The following MAD1L1 variants were observed in gnomAD, a reference collection of about 807,000 sequenced individuals.
The protein encoded by MAD1L1 is mitotic spindle assembly checkpoint protein MAD1.
MAD1L1 carries 95 observed loss-of-function variants against 96.9 expected under a neutral mutation model. The observed-to-expected ratio is 0.98, with a 90% CI of 0.83 to 1.16. The LOEUF is 1.16. Ranked by LOEUF, MAD1L1 falls within the 50% of genes most tolerant of loss-of-function variation. The pLI is 0.00. For synonymous variants in MAD1L1, 473 were observed against 396.6 expected, an observed-to-expected ratio of 1.19 and a Z score of -2.29; for missense variants, 1,007 against 954.4, an observed-to-expected ratio of 1.06 and a Z score of -0.73.
At chr7:2,180,968 A>AT (rs1791173164) in intron 10 of MAD1L1, among the ~76,000 whole-genome samples, 1 of 152,064 alleles carries the variant, frequency 6.6e-6, no homozygotes, top group South Asian at 2.1e-4. Context: ...TCCTGTCTTC[A>AT]TTTTTCTTCT....
intron 15 of MAD1L1, among the ~76,000 whole-genome samples, chr7:1,977,818 G>A (rs142014009): frequency 2.6e-4 from 40 of 152,356 alleles, no homozygotes; most frequent in Admixed American, 1.6e-3. Flanking sequence ...GCCGTGCAGC[G>A]TGACGCAGGC....
intron 18 of MAD1L1, among the ~76,000 whole-genome samples, chr7:1,860,173 C>T (rs529103925): frequency 5.8e-5 from 8 of 138,234 alleles, no homozygotes; most frequent in South Asian, 2.4e-4. Flanking sequence ...TGACATCCTG[C>T]GGGGCGGCCT....
At chr7:1,952,666 C>T (rs148287586) in intron 16 of MAD1L1, among the ~76,000 whole-genome samples, 3 of 152,280 alleles carry the variant, frequency 2.0e-5, no homozygotes, top group East Asian at 1.9e-4. Context: ...GCTGCCCTCC[C>T]GTGATCCTGC....
At chr7:2,124,680 T>A (rs928521469) in intron 11 of MAD1L1, among the ~76,000 whole-genome samples, 28 of 152,078 alleles carry the variant, frequency 1.8e-4, no homozygotes, top group Non-Finnish European at 5.9e-5. Flanking sequence ...CCTGCTGGGT[T>A]CTCACACACC....
At chr7:1,921,144 G>A (rs73050119) in intron 17 of MAD1L1, among the ~76,000 whole-genome samples, 5,135 of 152,242 alleles carry the variant, frequency 0.034, 188 homozygotes, top group Admixed American at 0.098. Flanking sequence ...ACCCCGGCAC[G>A]CTGCGGGTCT....
intron 15 of MAD1L1, among the ~76,000 whole-genome samples, chr7:1,963,675 G>A (rs376462934): frequency 9.8e-5 from 15 of 152,322 alleles, no homozygotes; most frequent in Admixed American, 5.9e-4. Flanking sequence ...TTCCGGAGGC[G>A]AGGCTGCTGG....
At chr7:2,084,328 CG>C (rs1785802609) in intron 11 of MAD1L1, among the ~76,000 whole-genome samples, 2 of 152,314 alleles carry the variant, frequency 1.3e-5, no homozygotes, top group East Asian at 3.9e-4. Context: ...GAGACAGCCA[CG>C]GGCAGCGCGA....
chr7:2,182,262 C>CAGTCATTTTTTTA (rs1385033535), intron 10 of MAD1L1, among the ~76,000 whole-genome samples: 1 of 151,490 alleles, frequency 6.6e-6, no homozygotes, highest in African/African-American at 2.4e-5. Flanking sequence ...AATGAAAAAT[C>CAGTCATTTTTTTA]ATGCAGTCAT....
intron 14 of MAD1L1, among the ~76,000 whole-genome samples, chr7:1,987,512 G>T (rs969974552): frequency 6.6e-6 from 1 of 152,110 alleles, no homozygotes; most frequent in African/African-American, 2.4e-5. Flanking sequence ...TCTGCTGTCC[G>T]CCAATTTGAG....
intron 5 of MAD1L1, among the ~76,000 whole-genome samples, chr7:2,219,729 C>A (rs576811688): frequency 6.6e-6 from 1 of 152,080 alleles, no homozygotes; most frequent in South Asian, 2.1e-4. Flanking sequence ...GGCAGAGCCA[C>A]CTCCTTCTGG....
intron 18 of MAD1L1, chr7:1,854,300 G>A (rs974756873): frequency 6.8e-6 from 3 of 443,184 alleles, no homozygotes; most frequent in Non-Finnish European, 1.4e-5. Context: ...CCCAGCCCCA[G>A]CAGCGAGCGG....
intron 17 of MAD1L1, among the ~76,000 whole-genome samples, chr7:1,924,939 T>G (rs749703686): frequency 4.6e-4 from 69 of 151,124 alleles, no homozygotes; most frequent in Non-Finnish European, 9.4e-4. Flanking sequence ...CACAGAAAAA[T>G]CACTTTAAAA....
chr7:1,981,199 T>C (rs986653426), intron 14 of MAD1L1, among the ~76,000 whole-genome samples: 10 of 152,290 alleles, frequency 6.6e-5, no homozygotes, highest in African/African-American at 2.2e-4. Flanking sequence ...ACTCCTGACC[T>C]CGGGTGATTC....
intron 11 of MAD1L1, among the ~76,000 whole-genome samples, chr7:2,102,797 C>T (rs927543143): frequency 3.9e-5 from 6 of 151,956 alleles, no homozygotes; most frequent in African/African-American, 7.2e-5. Flanking sequence ...TGGCCGTCAC[C>T]GTCTCCACCG....
intron 17 of MAD1L1, among the ~76,000 whole-genome samples, chr7:1,905,998 C>T (rs1269796351): frequency 6.9e-6 from 1 of 144,104 alleles, no homozygotes; most frequent in Non-Finnish European, 1.5e-5. Flanking sequence ...TGCAGTGAGC[C>T]GAGATTGCGC....
intron 12 of MAD1L1, among the ~76,000 whole-genome samples, chr7:2,043,925 T>C (rs528180334): frequency 6.6e-6 from 1 of 152,226 alleles, no homozygotes; most frequent in African/African-American, 2.4e-5. Context: ...GAACAGGGTG[T>C]GGGTGGCGGC....
intron 15 of MAD1L1, among the ~76,000 whole-genome samples, chr7:1,978,862 C>T (rs1360313003): frequency 2.0e-5 from 3 of 152,230 alleles, no homozygotes; most frequent in Non-Finnish European, 4.4e-5. Context: ...CCACGGCACA[C>T]ACTCAGTATC....
chr7:1,816,123 C>A lies in MAD1L1; in HGVS notation c.2104G>T (p.Ala702Ser), dbSNP rs778440189. ...VHLRRQDSIPAFLSSLTLELF... is the reference protein window; with the variant it reads ...VHLRRQDSIPSFLSSLTLELF... Reference sequence around the variant, plus strand: ...TCGAGGGTGAGCGAGCTGAGGAAGGCAGGGATGCTGTCCTGGCGCCGCAGG... The same window carrying A: ...TCGAGGGTGAGCGAGCTGAGGAAGGAAGGGATGCTGTCCTGGCGCCGCAGG... The change falls in exon 19 of 19, where the codon GCC becomes TCC. Residue 702 changes from alanine to serine, a missense_variant. Physicochemically the swap from Ala to Ser is moderately conservative, Grantham distance 99. Transcript: ENST00000265854. 35 of 1,612,894 alleles carry A rather than the reference C, an allele frequency of 2.2e-5. No homozygotes were observed. The highest frequency in any genetic ancestry group is 1.8e-4 in the Middle Eastern group (1 of 5,532).
At chr7:2,030,144 T>C (rs3735211) in intron 12 of MAD1L1, among the ~76,000 whole-genome samples, 29,066 of 152,022 alleles carry the variant, frequency 0.19, 5,473 homozygotes, top group African/African-American at 0.48. Context: ...TGGCAGAGAG[T>C]GCCCCAGAAA....
Sources: allele counts gnomAD v4.1 joint callset (sites outside exome capture counted in the v4.1 genomes callset), GRCh38; gene constraint gnomAD v4.1.1; transcripts MANE v1.5; gene names NCBI Gene and HGNC (gene_info 2026-07-23, HGNC 2026-07-21).